MAGI1: variants seen among roughly 807,000 people sequenced by gnomAD.
MAGI1 encodes the protein membrane associated guanylate kinase, WW and PDZ domain containing 1.
Under a neutral mutation model 139.9 loss-of-function variants are expected in MAGI1, and 58 were observed. The ratio of observed to expected loss-of-function variants is 0.41; its 90% CI spans 0.34 to 0.52. The LOEUF (loss-of-function observed/expected upper bound fraction) is 0.52, where lower values mean the gene tolerates loss of function less well. Ranked by LOEUF, MAGI1 falls within the 20% of genes least tolerant of loss-of-function variation. The pLI is 0.12. For synonymous variants in MAGI1, 812 were observed against 737.9 expected (o/e 1.10, Z -1.63); for missense variants, 1,874 against 1,901.6 (o/e 0.99, Z 0.27).
At position 65,356,761 on chromosome 3, in the gene MAGI1, T is replaced by A. The variant is rs536453395; in HGVS notation, c.4006A>T (p.Thr1336Ser). The change falls in exon 23 of 23, where the codon ACT (threonine) becomes TCT (serine). Residue 1336 changes from threonine (T) to serine (S), a missense_variant. By Grantham distance (58) the Thr-to-Ser change is moderately conservative (BLOSUM62 1). Transcript: ENST00000402939. ...TCGTGCTTCTCCCTCCTCTCCAAAG[T>A]GTTGTCGGCGCTGCGGGTGCCCTCC... The part of the protein sequence containing the change: ...RREGTRSADN[T>S]LERREKHEKR... The A allele has an allele frequency of 1.9e-6, 3 of 1,603,234 alleles. No homozygotes were observed. The highest frequency in any genetic ancestry group is 1.7e-4 in the Middle Eastern group (1 of 6,006).
intron 1 of MAGI1, among the ~76,000 whole-genome samples, chr3:65,970,358 T>C (rs1335161904): frequency 6.6e-6 from 1 of 152,066 alleles, no homozygotes; most frequent in Non-Finnish European, 1.5e-5. Context: ...GGGGACTTAA[T>C]ATGTAATCGA....
intron 1 of MAGI1, among the ~76,000 whole-genome samples, chr3:65,929,272 T>A (rs373659317): frequency 1.3e-5 from 2 of 152,158 alleles, no homozygotes; most frequent in South Asian, 4.2e-4. Context: ...TCAATCTAAC[T>A]CAAATTCATT....
intron 2 of MAGI1, among the ~76,000 whole-genome samples, chr3:65,534,071 T>C (rs533454210): frequency 1.2e-4 from 19 of 152,284 alleles, no homozygotes; most frequent in Non-Finnish European, 2.2e-4. Context: ...CTAAGCCAGA[T>C]TATGGATTCC....
At chr3:65,509,005 G>T (rs1262882787) in intron 2 of MAGI1, among the ~76,000 whole-genome samples, 5 of 152,166 alleles carry the variant, frequency 3.3e-5, no homozygotes, top group African/African-American at 4.8e-5. Flanking sequence ...GTGATACGAT[G>T]CATGATCCTG....
intron 2 of MAGI1, among the ~76,000 whole-genome samples, chr3:65,579,646 G>C (rs1012139729): frequency 1.6e-4 from 24 of 152,128 alleles, no homozygotes; most frequent in Admixed American, 1.0e-3. Context: ...AGCAGTTCGA[G>C]ACCAGCCTGG....
chr3:65,414,351 G>A (rs934570977), intron 12 of MAGI1, among the ~76,000 whole-genome samples: 3 of 152,226 alleles, frequency 2.0e-5, no homozygotes, highest in Admixed American at 1.3e-4. Context: ...TTTCATAAAA[G>A]GGCGTGACTA....
At chr3:65,819,555 T>C (rs549893019) in intron 1 of MAGI1, among the ~76,000 whole-genome samples, 25 of 151,934 alleles carry the variant, frequency 1.6e-4, no homozygotes, top group East Asian at 5.9e-4. Context: ...ACTTAAATGC[T>C]GAAATCCACC....
intron 1 of MAGI1, 129 bp from the exon 2 acceptor site, chr3:65,622,217 A>G (rs560451930): frequency 3.3e-5 from 24 of 721,008 alleles, no homozygotes; most frequent in African/African-American, 1.9e-4. Flanking sequence ...CATTAGGAGG[A>G]TGTACTTTAG....
At chr3:65,734,786 C>A (rs1479494903) in intron 1 of MAGI1, among the ~76,000 whole-genome samples, 1 of 150,654 alleles carries the variant, frequency 6.6e-6, no homozygotes. Context: ...TTATAAATTT[C>A]CAGGGAAGCT....
intron 2 of MAGI1, among the ~76,000 whole-genome samples, chr3:65,557,859 C>A (rs2080159483): frequency 6.6e-6 from 1 of 152,120 alleles, no homozygotes; most frequent in African/African-American, 2.4e-5. Context: ...AGGGAGTTAA[C>A]ATGTAACGTG....
At chr3:65,434,114 A>G (rs1167017888) in intron 10 of MAGI1, among the ~76,000 whole-genome samples, 1 of 152,202 alleles carries the variant, frequency 6.6e-6, no homozygotes, top group Non-Finnish European at 1.5e-5. Flanking sequence ...CCTTTCAAAC[A>G]GAAGTTAAAC....
At chr3:65,505,637 A>AAATAATAACAAT (rs2077252196) in intron 2 of MAGI1, among the ~76,000 whole-genome samples, 1 of 144,374 alleles carries the variant, frequency 6.9e-6, no homozygotes, top group South Asian at 2.2e-4. Flanking sequence ...ACAAAGTCTA[A>AAATAATAACAAT]AATAATAATA....
At chr3:65,553,142 G>T (rs1470181961) in intron 2 of MAGI1, among the ~76,000 whole-genome samples, 1 of 150,536 alleles carries the variant, frequency 6.6e-6, no homozygotes, top group Admixed American at 6.6e-5. Flanking sequence ...ATACTGAGTT[G>T]TTGGTTTTTT....
chr3:65,937,940 A>T (rs1022341161), intron 1 of MAGI1, among the ~76,000 whole-genome samples: 1 of 152,188 alleles, frequency 6.6e-6, no homozygotes, highest in African/African-American at 2.4e-5. Flanking sequence ...TTTATAAAAA[A>T]AGAAAAAGAG....
intron 1 of MAGI1, among the ~76,000 whole-genome samples, chr3:66,012,549 T>G (rs2067377103): frequency 6.6e-6 from 1 of 152,092 alleles, no homozygotes; most frequent in Non-Finnish European, 1.5e-5. Flanking sequence ...GTGGATCACT[T>G]GAGACCAGGA....
intron 2 of MAGI1, among the ~76,000 whole-genome samples, chr3:65,523,409 G>GGAAGAGAGGGAGGC (rs1230243947): frequency 6.6e-6 from 1 of 151,446 alleles, no homozygotes; most frequent in African/African-American, 2.4e-5. Context: ...ATTTTAAAAA[G>GGAAGAGAGGGAGGC]GAAGAGAGGG....
intron 1 of MAGI1, among the ~76,000 whole-genome samples, chr3:66,013,490 G>A (rs1436337891): frequency 2.7e-5 from 4 of 147,804 alleles, no homozygotes; most frequent in African/African-American, 1.0e-4. Context: ...GGCCAGACTC[G>A]GTGGCTCAAG....
At chr3:65,673,932 G>T (rs1483749609) in intron 1 of MAGI1, among the ~76,000 whole-genome samples, 1 of 152,062 alleles carries the variant, frequency 6.6e-6, no homozygotes, top group African/African-American at 2.4e-5. Flanking sequence ...CCTTCTATTA[G>T]AGTCACCTCG....
chr3:65,362,680 C>T (rs968062656), intron 21 of MAGI1, among the ~76,000 whole-genome samples: 2 of 152,150 alleles, frequency 1.3e-5, no homozygotes, highest in African/African-American at 4.8e-5. Context: ...TCAGTTTTTC[C>T]CTTTTTCTGC....
Sources: allele counts gnomAD v4.1 joint callset (sites outside exome capture counted in the v4.1 genomes callset), GRCh38; gene constraint gnomAD v4.1.1; transcripts MANE v1.5; gene names NCBI Gene and HGNC (gene_info 2026-07-23, HGNC 2026-07-21).